The following USH2A variants were observed in gnomAD, a reference collection of about 807,000 sequenced individuals.
The protein encoded by USH2A is usherin.
Under a neutral mutation model 538.9 loss-of-function variants are expected in USH2A, and 443 were observed. That is an observed-to-expected ratio of 0.82 (90% CI 0.76 to 0.89). The LOEUF is 0.89. USH2A is among the 40% of genes least tolerant of loss of function. The pLI, the probability that USH2A is intolerant of heterozygous loss-of-function variation, is 0.00. For missense variants in USH2A, 6,633 were observed against 6,324.8 expected (o/e 1.05, Z -1.65); for synonymous variants, 2,413 against 2,273.5 (o/e 1.06, Z -1.75).
chr1:215,682,287 A>AT (rs1476531332), intron 61 of USH2A, among the ~76,000 whole-genome samples: 3 of 152,158 alleles, frequency 2.0e-5, no homozygotes, highest in African/African-American at 7.2e-5. Context: ...GCTGGGGGAC[A>AT]TTTTTTCATA....
chr1:216,039,501 T>C (rs1326429974), intron 32 of USH2A, among the ~76,000 whole-genome samples: 1 of 152,024 alleles, frequency 6.6e-6, no homozygotes, highest in East Asian at 1.9e-4. Flanking sequence ...ATATTAGAGC[T>C]TGTAACAGAA....
intron 3 of USH2A, among the ~76,000 whole-genome samples, chr1:216,395,590 G>C (rs1337586962): frequency 1.3e-5 from 2 of 152,182 alleles, no homozygotes; most frequent in Non-Finnish European, 2.9e-5. Context: ...AAACAAAAAT[G>C]TTTAACTACG....
chr1:216,352,985 T>C (rs1447482918), intron 4 of USH2A, among the ~76,000 whole-genome samples: 3 of 152,058 alleles, frequency 2.0e-5, no homozygotes, highest in African/African-American at 4.8e-5. Flanking sequence ...ACATAGGAAG[T>C]TCATGGTCAT....
chr1:216,358,293 A>G (rs2102700019), intron 4 of USH2A, among the ~76,000 whole-genome samples: 1 of 152,290 alleles, frequency 6.6e-6, no homozygotes, highest in East Asian at 1.9e-4. Flanking sequence ...TTGATCTGCT[A>G]TAGGCCTTCA....
At chr1:215,733,332 C>T (rs10779659) in intron 60 of USH2A, among the ~76,000 whole-genome samples, 94,484 of 151,946 alleles carry the variant, frequency 0.62, 32,394 homozygotes, top group Non-Finnish European at 0.78. Flanking sequence ...CCCCATTATG[C>T]AATCACCTCC....
rs151037142 is a variant in USH2A, at chr1:215,888,921, C to G, written c.7728G>C (p.Leu2576Phe). 28 of 1,613,988 alleles carry G rather than the reference C, an allele frequency of 1.7e-5. No homozygotes were observed. The South Asian group carries it at 2.4e-4, about 14-fold the overall frequency. The change falls in exon 41 of 72, where the codon TTG becomes TTC. Residue 2576 changes from leucine to phenylalanine, a missense_variant. Transcript: ENST00000307340. ...AATTAGTGACATTTCCAGGAGTTCTCAAGTATAGACGGCCATGTAGATAAA... is the reference window on the plus strand; with the variant it reads ...AATTAGTGACATTTCCAGGAGTTCTGAAGTATAGACGGCCATGTAGATAAA... ...YNIYLHGRLY[L>F]RTPGNVTNCT...
intron 58 of USH2A, among the ~76,000 whole-genome samples, chr1:215,757,779 A>T (rs554031727): frequency 8.5e-5 from 13 of 152,186 alleles, no homozygotes; most frequent in Non-Finnish European, 1.9e-4. Flanking sequence ...AAATGGCTCA[A>T]TGAAGGCTAT....
At chr1:216,376,475 A>T (rs1485859199) in intron 3 of USH2A, among the ~76,000 whole-genome samples, 1 of 99,416 alleles carries the variant, frequency 1.0e-5, no homozygotes, top group Admixed American at 1.1e-4. Flanking sequence ...TGATCCTGAT[A>T]AATCCCTATT....
At position 215,900,892 on chromosome 1, in the gene USH2A, C is replaced by G. The variant is rs917178849; in HGVS notation, c.7314G>C (p.Val2438=). The change falls in exon 39 of 72, where the codon GTG becomes GTC. Residue 2438 remains valine, a synonymous_variant. Coordinates refer to ENST00000307340, the MANE Select transcript of USH2A (RefSeq NM_206933.4). ...TGGCAGATGAAAGCCTGGGAGGCAG[C>G]ACGCCATCTGGAGCTGTCGAAAAAC... ...IAMPPGAPDG[V]LPPRLSSATP... is the part of the protein sequence containing the mutation. 4 of 1,613,360 alleles carry G rather than the reference C, an allele frequency of 2.5e-6. No individual in the cohort carries two copies. The highest frequency in any genetic ancestry group is 1.3e-5 in the African/African-American group (1 of 74,862).
At chr1:216,083,305 G>A in intron 26 of USH2A, 151 bp downstream of exon 26, 1 of 744,108 alleles carries the variant, frequency 1.3e-6, no homozygotes, top group Non-Finnish European at 2.1e-6. Context: ...TGTTTCACAG[G>A]ACTTCAAAAC....
intron 16 of USH2A, 66 bp from the exon 17 acceptor site, chr1:216,200,187 C>T: frequency 6.7e-7 from 1 of 1,492,786 alleles, no homozygotes; most frequent in Non-Finnish European, 9.1e-7. Flanking sequence ...TCATTGCTAA[C>T]TGCTTTCCTA....
intron 35 of USH2A, among the ~76,000 whole-genome samples, chr1:215,979,905 G>A (rs780151145): frequency 5.3e-5 from 8 of 152,106 alleles, no homozygotes; most frequent in Non-Finnish European, 1.2e-4. Context: ...GTGAGGATAA[G>A]AAGAAACCAT....
intron 61 of USH2A, among the ~76,000 whole-genome samples, chr1:215,691,379 C>G (rs1354946081): frequency 6.6e-6 from 1 of 152,122 alleles, no homozygotes. Context: ...CCTGGGAAAA[C>G]TGCACTGCAG....
chr1:215,882,198 C>G (rs1664927706), intron 41 of USH2A, among the ~76,000 whole-genome samples: 1 of 152,168 alleles, frequency 6.6e-6, no homozygotes, highest in Non-Finnish European at 1.5e-5. Context: ...TTAACATCTC[C>G]AGGCCTCGGA....
chr1:216,343,643 TATG>T (rs34948500), intron 4 of USH2A, among the ~76,000 whole-genome samples: 26,213 of 151,820 alleles, frequency 0.17, 2,720 homozygotes, highest in Middle Eastern at 0.32. Flanking sequence ...TCAACCAAAA[TATG>T]ATAACAGCCT....
rs539457994 is a variant in USH2A, at chr1:216,213,218, G to C, written c.3157+4169C>G. 9.1e-4 allele frequency among the ~76,000 whole-genome samples: 138 copies of C among 152,142 alleles called. 1 individual carries two copies. Among genetic ancestry groups the C allele is most frequent in the African/African-American group, 3.0e-3 (124 of 41,526 alleles). On this transcript the variant is annotated intron_variant, in intron 15 of 71. Coordinates refer to ENST00000307340, the MANE Select transcript of USH2A (RefSeq NM_206933.4). ...TGTAACATAGAACATTGCTGAATTT[G>C]TTTACTAGCTCTAGTAGCTTTCTTG...
intron 9 of USH2A, among the ~76,000 whole-genome samples, chr1:216,313,887 T>G (rs1165175750): frequency 6.6e-6 from 1 of 152,200 alleles, no homozygotes; most frequent in African/African-American, 2.4e-5. Flanking sequence ...AATATATCAG[T>G]AGTGTCTTAG....
intron 31 of USH2A, among the ~76,000 whole-genome samples, chr1:216,047,144 AT>A (rs2030555297): frequency 6.6e-6 from 1 of 152,044 alleles, no homozygotes; most frequent in Non-Finnish European, 1.5e-5. Context: ...TTTTTTTTAA[AT>A]TTTCCTAAAC....
chr1:215,676,662 T>C (rs1235060679), intron 62 of USH2A, among the ~76,000 whole-genome samples: 3 of 152,208 alleles, frequency 2.0e-5, no homozygotes, highest in South Asian at 4.1e-4. Context: ...TGGAATGTTG[T>C]ATGTTGGTGT....
Sources: allele counts gnomAD v4.1 joint callset (sites outside exome capture counted in the v4.1 genomes callset), GRCh38; gene constraint gnomAD v4.1.1; transcripts MANE v1.5; gene names NCBI Gene and HGNC (gene_info 2026-07-23, HGNC 2026-07-21).